Variants in SLC4A1 observed in about 807,000 individuals in gnomAD.
SLC4A1 encodes solute carrier family 4 member 1 (Diego blood group).
In SLC4A1, 29 loss-of-function variants were observed where a neutral mutation model predicts 93.1. The observed-to-expected ratio is 0.31, with a 90% CI of 0.23 to 0.42. The LOEUF is 0.42. SLC4A1 is among the 20% of genes least tolerant of loss of function. The probability of loss-of-function intolerance (pLI) is 1.00; values close to 1 mark genes in which losing one functional copy is unlikely to be tolerated. For synonymous variants in SLC4A1, 469 were observed against 497.2 expected (o/e 0.94, Z 0.76); for missense variants, 965 against 1,190.1 (o/e 0.81, Z 2.78).
intron 15 of SLC4A1, 83 bp from the exon 16 acceptor site, chr17:44,254,745 G>T (rs1273435865): frequency 4.4e-6 from 6 of 1,367,546 alleles, no homozygotes; most frequent in Non-Finnish European, 6.2e-6. Context: ...GGTCCTAGGG[G>T]TCGGGCAGTT....
In SLC4A1 at chr17:44,249,469, T is replaced by G. The variant is rs1355874615; in HGVS notation, c.*989A>C. 5.6e-6 allele frequency: 1 copy of G among 179,996 alleles called. No homozygotes were observed. The allele number at this position is 179,996 out of a possible 1,614,324, so 11.1% of individuals were successfully genotyped here. ...ACCCCCTCACTCTCCCGCCCCTACCTTCCCACCCTCCCCCACTCCCTATCC... is the reference window on the plus strand; with the variant it reads ...ACCCCCTCACTCTCCCGCCCCTACCGTCCCACCCTCCCCCACTCCCTATCC... On this transcript the variant is annotated 3_prime_UTR_variant, in exon 20 of 20. Transcript: ENST00000262418.
chr17:44,255,736 G>A lies in SLC4A1; in HGVS notation c.1737C>T (p.Ala579=), dbSNP rs773192966. The A allele has an allele frequency of 2.0e-5, 32 of 1,613,994 alleles. No individual in the cohort carries two copies. Among genetic ancestry groups the A allele is most frequent in the East Asian group, 8.9e-5 (4 of 44,886 alleles). Residue 579 remains alanine, a synonymous_variant, in exon 14 of 20, where the codon GCC becomes GCT. Coordinates refer to ENST00000262418, the MANE Select transcript of SLC4A1 (RefSeq NM_000342.4). ...NTALLSLVLM[A]GTFFFAMMLR... The stretch of plus-strand genomic sequence containing the variant: ...GCATCATGGCAAAGAAGAAGGTACC[G>A]GCCATGAGCACAAGGGAGAGGAGGG...
At chr17:44,251,617 A>G (rs1477207358) in intron 17 of SLC4A1, 29 bp from the exon 18 acceptor site, 1 of 1,611,142 alleles carries the variant, frequency 6.2e-7, no homozygotes, top group Non-Finnish European at 8.5e-7. Flanking sequence ...CTCTCAGCCC[A>G]GGTTGCCCGA....
chr17:44,255,592 G>A, intron 14 of SLC4A1, 81 bp downstream of exon 14: 2 of 1,371,426 alleles, frequency 1.5e-6, no homozygotes, highest in Non-Finnish European at 2.1e-6. Context: ...GAAGCTAAGG[G>A]CACTGAGGAA....
Position 44,259,205 on chromosome 17 carries a change from G to A in SLC4A1, c.834C>T (p.Tyr278=), listed in dbSNP as rs538794312. The A allele has an allele frequency of 2.5e-6, 4 of 1,614,060 alleles. No homozygotes were observed. Among genetic ancestry groups the A allele is most frequent in the Middle Eastern group, 1.7e-4 (1 of 6,060 alleles). ...TGGCAGCAGCCCGGCCAAGCTGGGTGTAATCGATGTGGGGGGCCTCAGGTC... is the reference window on the plus strand; with the variant it reads ...TGGCAGCAGCCCGGCCAAGCTGGGTATAATCGATGTGGGGGGCCTCAGGTC... ...LLGPEAPHID[Y]TQLGRAAATL... The change falls in exon 9 of 20, where the codon TAC becomes TAT. Residue 278 remains tyrosine (Y), a synonymous_variant. Coordinates refer to ENST00000262418, the MANE Select transcript of SLC4A1 (RefSeq NM_000342.4).
chr17:44,268,017 C>G (rs368645094), intron 1 of SLC4A1, 37 bp downstream of exon 1: 1 of 960,762 alleles, frequency 1.0e-6, no homozygotes, highest in East Asian at 1.2e-4. Flanking sequence ...GGGCAGGCAC[C>G]GAAGGACCAT....
chr17:44,259,055 G>A (rs999303237), intron 9 of SLC4A1, 108 bp downstream of exon 9: 2 of 1,174,376 alleles, frequency 1.7e-6, no homozygotes, highest in Admixed American at 1.9e-5. Flanking sequence ...AGGCTGAATG[G>A]GTCAAACCAG....
chr17:44,255,581 G>A (rs1014753704), intron 14 of SLC4A1, 92 bp downstream of exon 14: 1 of 1,301,448 alleles, frequency 7.7e-7, no homozygotes, highest in African/African-American at 1.4e-5. Flanking sequence ...GAAAAAGAAG[G>A]GAAGCTAAGG....
At position 44,258,192 on chromosome 17, in the gene SLC4A1, G is replaced by T; in HGVS notation, c.1088-12C>A. Reference sequence around the variant, plus strand: ...GCCCCCATTTAAGTCTGTGGTGGAGGATAAGAGCATGGTCAGAGGGAGTAG... The same window carrying T: ...GCCCCCATTTAAGTCTGTGGTGGAGTATAAGAGCATGGTCAGAGGGAGTAG... On this transcript the variant is annotated splice_polypyrimidine_tract_variant and intron_variant, in intron 10 of 19. Transcript: ENST00000262418. The surrounding 1 kb of genome is among the most constrained non-coding windows in gnomAD (Gnocchi z 6.1). 1.2e-6 allele frequency: 2 copies of T among 1,613,420 alleles called. No individual in the cohort carries two copies. Among genetic ancestry groups the T allele is most frequent in the Non-Finnish European group, 8.5e-7 (1 of 1,179,566 alleles).
chr17:44,266,419 A>G (rs910724136), intron 1 of SLC4A1, among the ~76,000 whole-genome samples: 1 of 152,136 alleles, frequency 6.6e-6, no homozygotes, highest in African/African-American at 2.4e-5. Flanking sequence ...TTGGTTGCCT[A>G]TCTGAGGAGT....
intron 19 of SLC4A1, among the ~76,000 whole-genome samples, chr17:44,250,907 G>C (rs982822401): frequency 6.6e-5 from 10 of 152,142 alleles, no homozygotes; most frequent in Admixed American, 3.3e-4. Flanking sequence ...CTCACTCACA[G>C]CACACCCTGT....
intron 17 of SLC4A1, among the ~76,000 whole-genome samples, 177 bp from the exon 18 acceptor site, chr17:44,251,765 G>T (rs1194479954): frequency 1.8e-5 from 2 of 113,840 alleles, no homozygotes; most frequent in Admixed American, 1.3e-4. Flanking sequence ...ACAGGATCTC[G>T]CTCTGTCACC....
At position 44,255,814 on chromosome 17, in the gene SLC4A1, A is replaced by G. The variant is rs778311783; in HGVS notation, c.1659T>C (p.Tyr553=). Reference sequence around the variant, plus strand: ...TGGGCACCATCAACACGTTGTAGTTATAAGTCTTCTGTAGTGGGTGGTCCT... The same window carrying G: ...TGGGCACCATCAACACGTTGTAGTTGTAAGTCTTCTGTAGTGGGTGGTCCT... The part of the protein sequence containing the change: ...IFQDHPLQKT[Y]NYNVLMVPKP... Residue 553 remains tyrosine (Y), a synonymous_variant, in exon 14 of 20, where the codon TAT becomes TAC. Coordinates refer to ENST00000262418, the MANE Select transcript of SLC4A1 (RefSeq NM_000342.4). The G allele has an allele frequency of 1.2e-5, 20 of 1,614,060 alleles. No homozygotes were observed. Among genetic ancestry groups the G allele is most frequent in the Non-Finnish European group, 1.5e-5 (18 of 1,180,038 alleles).
chr17:44,261,536 G>C, intron 4 of SLC4A1, 39 bp downstream of exon 4: 1 of 1,614,152 alleles, frequency 6.2e-7, no homozygotes, highest in Non-Finnish European at 8.5e-7. Context: ...GGGTCCCAAA[G>C]GCAGCATGGG....
chr17:44,263,005 GC>G, intron 1 of SLC4A1, 71 bp from the exon 2 acceptor site: 1 of 1,302,238 alleles, frequency 7.7e-7, no homozygotes, highest in Non-Finnish European at 1.1e-6. Flanking sequence ...TCCAGAGGGG[GC>G]CACATGTCAG....
intron 2 of SLC4A1, 60 bp from the exon 3 acceptor site, chr17:44,262,786 A>G: frequency 1.9e-6 from 3 of 1,607,988 alleles, no homozygotes; most frequent in East Asian, 4.5e-5. Flanking sequence ...CAACGAAGAT[A>G]GGAGTCTAGG....
chr17:44,257,570 T>C, intron 12 of SLC4A1, 26 bp from the exon 13 acceptor site: 1 of 1,613,374 alleles, frequency 6.2e-7, no homozygotes. Flanking sequence ...AAGAAGCCGG[T>C]CAGTCAAAGG....
rs1342864039 is a variant in SLC4A1, at chr17:44,260,789, C to A, written c.195G>T (p.Val65=). The A allele has an allele frequency of 2.5e-6, 4 of 1,613,286 alleles. No individual in the cohort carries two copies. The highest frequency in any genetic ancestry group is 1.1e-5 in the South Asian group (1 of 91,076). The change falls in exon 5 of 20, where the codon GTG becomes GTT. Residue 65 remains valine (V), a synonymous_variant. Transcript: ENST00000262418. ...TCAGCTCCTGGTTCTTTTCGTCCATCACCAGCTCCTGCAGCTCCACATAGA... is the reference window on the plus strand; with the variant it reads ...TCAGCTCCTGGTTCTTTTCGTCCATAACCAGCTCCTGCAGCTCCACATAGA... ...HKVYVELQEL[V]MDEKNQELRW... is the part of the protein sequence containing the mutation.
intron 4 of SLC4A1, 110 bp from the exon 5 acceptor site, chr17:44,260,925 C>A: frequency 7.9e-7 from 1 of 1,265,766 alleles, no homozygotes; most frequent in South Asian, 1.2e-5. Flanking sequence ...TCCCTGTGCT[C>A]AAGGGTCCGT....
Sources: allele counts gnomAD v4.1 joint callset (sites outside exome capture counted in the v4.1 genomes callset), GRCh38; gene constraint gnomAD v4.1.1; non-coding constraint Gnocchi (gnomAD v3.1); transcripts MANE v1.5; gene names NCBI Gene and HGNC (gene_info 2026-07-23, HGNC 2026-07-21).